The following FAM90A1 variants were observed in gnomAD, a reference collection of about 807,000 sequenced individuals.
FAM90A1 encodes protein FAM90A1.
In FAM90A1, 10 loss-of-function variants were observed where a neutral mutation model predicts 14.8. The observed-to-expected ratio is 0.67, with a 90% CI of 0.42 to 1.14. The LOEUF (loss-of-function observed/expected upper bound fraction) is 1.14, where lower values mean the gene tolerates loss of function less well. Ranked by LOEUF, FAM90A1 falls within the 50% of genes most tolerant of loss-of-function variation. The pLI, the probability that FAM90A1 is intolerant of heterozygous loss-of-function variation, is 0.00. For synonymous variants in FAM90A1, 236 were observed against 248.4 expected, an observed-to-expected ratio of 0.95 and a Z score of 0.47; for missense variants, 567 against 602.8, an observed-to-expected ratio of 0.94 and a Z score of 0.62.
intron 1 of FAM90A1, among the ~76,000 whole-genome samples, chr12:8,227,258 G>C (rs1452753291): frequency 6.6e-6 from 1 of 152,212 alleles, no homozygotes; most frequent in Non-Finnish European, 1.5e-5. Flanking sequence ...CCAGCTGCTG[G>C]TCCTGCTCTC....
At chr12:8,223,279 A>G (rs1022942220) in intron 6 of FAM90A1, among the ~76,000 whole-genome samples, 170 bp downstream of exon 6, 1 of 152,192 alleles carries the variant, frequency 6.6e-6, no homozygotes, top group African/African-American at 2.4e-5. Context: ...CGGCATCTTC[A>G]GATGCCTTCG....
Position 8,222,201 on chromosome 12 carries a change from T to A in FAM90A1, c.1016A>T (p.Glu339Val). 4 of 1,611,980 alleles carry A rather than the reference T, an allele frequency of 2.5e-6. No homozygotes were observed. The highest frequency in any genetic ancestry group is 2.2e-4 in the Middle Eastern group (1 of 4,620). Residue 339 changes from glutamate to valine, a missense_variant, in exon 7 of 7, where the codon GAA becomes GTA. By Grantham distance (121) the Glu-to-Val change is moderately radical (BLOSUM62 -2). Coordinates refer to ENST00000538603, the MANE Select transcript of FAM90A1 (RefSeq NM_018088.3). ...CTGGGGTGACGTACGTGGTCCAAGT[T>A]CGGTTGCGGCTGGCGGAGGTTGGAG... ...ENLQPPPAAT[E>V]LGPRTSPQTG...
chr12:8,223,302 T>C (rs1948872559), intron 6 of FAM90A1, 147 bp downstream of exon 6: 2 of 623,824 alleles, frequency 3.2e-6, no homozygotes, highest in African/African-American at 1.8e-5. Context: ...TGGAATCAAA[T>C]TGACCTGGAA....
rs761223760 is a variant in FAM90A1, at chr12:8,222,562, C to T, written c.655G>A (p.Gly219Ser). Residue 219 changes from glycine to serine, a missense_variant, in exon 7 of 7, where the codon GGC becomes AGC. Physicochemically the swap from Gly to Ser is moderately conservative, Grantham distance 56. Coordinates refer to ENST00000538603, the MANE Select transcript of FAM90A1 (RefSeq NM_018088.3). ...TTCACCACGAGGAGAGGCTCGGGGC[C>T]CTGGTGCCTGACTGCAGTCTGAGGG... ...DIPQTAVRHQ[G>S]PEPLLVVKPT... 2 of 1,612,012 alleles carry T rather than the reference C, an allele frequency of 1.2e-6. No homozygotes were observed. The highest frequency in any genetic ancestry group is 1.7e-6 in the Non-Finnish European group (2 of 1,179,878).
Position 8,224,190 on chromosome 12 carries a change from A to G in FAM90A1, c.149T>C (p.Phe50Ser), listed in dbSNP as rs1385294301. The G allele has an allele frequency of 1.1e-5, 17 of 1,611,884 alleles. No individual in the cohort carries two copies. The highest frequency in any genetic ancestry group is 1.2e-5 in the Non-Finnish European group (14 of 1,179,848). Residue 50 changes from phenylalanine to serine, a missense_variant, in exon 5 of 7, where the codon TTT becomes TCT. Coordinates refer to ENST00000538603, the MANE Select transcript of FAM90A1 (RefSeq NM_018088.3). ...CCTGGTACTTCTGGCCGTGTGGCCAAAGGCCTCACAGTTTTTGCACTTGAG... is the reference window on the plus strand; with the variant it reads ...CCTGGTACTTCTGGCCGTGTGGCCAGAGGCCTCACAGTTTTTGCACTTGAG... The part of the protein sequence containing the change: ...PRLKCKNCEA[F>S]GHTARSTRCP...
chr12:8,227,364 G>C (rs1347595364), intron 1 of FAM90A1, 116 bp downstream of exon 1: 6 of 317,362 alleles, frequency 1.9e-5, no homozygotes, highest in African/African-American at 1.3e-4. Context: ...TGGAACCTGC[G>C]CCATGTGATC....
chr12:8,225,319 T>C (rs1477450598), intron 3 of FAM90A1, among the ~76,000 whole-genome samples: 1 of 152,232 alleles, frequency 6.6e-6, no homozygotes, highest in Non-Finnish European at 1.5e-5. Context: ...ATGCCTCCTG[T>C]CACAACTTGA....
rs764299228 is a variant in FAM90A1 at position 8,222,180 on chromosome 12, G to A, written c.1037C>T (p.Pro346Leu). 1 of 1,563,720 alleles carries A rather than the reference G, an allele frequency of 6.4e-7. No homozygotes were observed. The highest frequency in any genetic ancestry group is 1.1e-5 in the South Asian group (1 of 90,004). The change falls in exon 7 of 7, where the codon CCC becomes CTC. Residue 346 changes from proline (P) to leucine (L), a missense_variant. Transcript: ENST00000538603. ...GGCGGGTGTCCTCGTGCCTGTCTGGGGTGACGTACGTGGTCCAAGTTCGGT... is the reference window on the plus strand; with the variant it reads ...GGCGGGTGTCCTCGTGCCTGTCTGGAGTGACGTACGTGGTCCAAGTTCGGT... ...AATELGPRTS[P>L]QTGTRTPAQV...
Position 8,222,641 on chromosome 12 carries a change from G to C in FAM90A1, c.576C>G (p.Ser192Arg). The change falls in exon 7 of 7, where the codon AGC (serine) becomes AGG (arginine). Residue 192 changes from serine (S) to arginine (R), a missense_variant. By Grantham distance (110) the Ser-to-Arg change is moderately radical (BLOSUM62 -1). Coordinates refer to ENST00000538603, the MANE Select transcript of FAM90A1 (RefSeq NM_018088.3). ...CCTTTGGTCCAAGACTTGAGGAGGA[G>C]CTCAGACTGGCTTTTCTGAGGGGAG... ...SLSPLRKASL[S>R]SSSSLGPKER... 1.2e-6 allele frequency: 2 copies of C among 1,611,636 alleles called. No individual in the cohort carries two copies. Among genetic ancestry groups the C allele is most frequent in the Non-Finnish European group, 1.7e-6 (2 of 1,179,850 alleles).
chr12:8,223,067 T>C (rs970273235), intron 6 of FAM90A1, among the ~76,000 whole-genome samples: 1 of 152,222 alleles, frequency 6.6e-6, no homozygotes, highest in Non-Finnish European at 1.5e-5. Flanking sequence ...CAGCCTTCCA[T>C]GAAGTGGAAC....
intron 1 of FAM90A1, among the ~76,000 whole-genome samples, chr12:8,226,994 G>T (rs1948959488): frequency 6.6e-6 from 1 of 151,756 alleles, no homozygotes; most frequent in East Asian, 1.9e-4. Context: ...GTAGAAACAG[G>T]GTTTCACCAT....
rs772070843 is a variant in FAM90A1 at position 8,224,868 on chromosome 12, A to G, written c.-36T>C. On this transcript the variant is annotated 5_prime_UTR_variant, in exon 4 of 7. The change abolishes the stop of an existing upstream ORF in the 5' untranslated region. Coordinates refer to ENST00000538603, the MANE Select transcript of FAM90A1 (RefSeq NM_018088.3). ...TGGGGGTTTTATGACCGCCTTTTTCAGGGGTTGATTGTCGGGTCACCTGAA... is the reference window on the plus strand; with the variant it reads ...TGGGGGTTTTATGACCGCCTTTTTCGGGGGTTGATTGTCGGGTCACCTGAA... 4.6e-5 allele frequency: 74 copies of G among 1,604,012 alleles called. No homozygotes were observed. Among genetic ancestry groups the G allele is most frequent in the Non-Finnish European group, 6.2e-5 (73 of 1,179,638 alleles).
At chr12:8,223,207 C>T (rs779075229) in intron 6 of FAM90A1, among the ~76,000 whole-genome samples, 8 of 152,288 alleles carry the variant, frequency 5.3e-5, no homozygotes, top group African/African-American at 1.9e-4. Flanking sequence ...TTCCTCATGC[C>T]GCTAGGAACG....
At position 8,224,068 on chromosome 12, in the gene FAM90A1, C is replaced by T; in HGVS notation, c.271G>A (p.Ala91Thr). ...TCCTTGTTCAAGGGCCCAGGGTTCG[C>T]TTCAACCTGGGGCTTCCATGGTTTC... is the stretch of plus-strand genomic sequence containing the variant. ...NLKPWKPQVE[A>T]NPGPLNKDKG... Residue 91 changes from alanine (A) to threonine (T), a missense_variant, in exon 5 of 7, where the codon GCG (alanine) becomes ACG (threonine). By Grantham distance (58) the Ala-to-Thr change is moderately conservative (BLOSUM62 0). Coordinates refer to ENST00000538603, the MANE Select transcript of FAM90A1 (RefSeq NM_018088.3). 6.2e-7 allele frequency: 1 copy of T among 1,612,080 alleles called. No individual in the cohort carries two copies. Among genetic ancestry groups the T allele is most frequent in the Non-Finnish European group, 8.5e-7 (1 of 1,179,872 alleles).
At chr12:8,226,869 G>C (rs1342843561) in intron 1 of FAM90A1, among the ~76,000 whole-genome samples, 1 of 125,126 alleles carries the variant, frequency 8.0e-6, no homozygotes, top group Middle Eastern at 5.6e-3. Flanking sequence ...GCAGTGGTGT[G>C]ATCTCAGCTC....
At position 8,224,255 on chromosome 12, in the gene FAM90A1, A is replaced by T. The variant is rs748956317; in HGVS notation, c.124-40T>A. 2.0e-6 allele frequency: 3 copies of T among 1,513,490 alleles called. No homozygotes were observed. In the African/African-American group the frequency reaches 4.2e-5, roughly 21 times the overall value. 93.8% of individuals were successfully genotyped at this position (1,513,490 alleles called of 1,614,324 possible). A position where few individuals can be genotyped will look rare whatever the true frequency, so the allele number is the denominator to read the frequency against. On this transcript the variant is annotated intron_variant, in intron 4 of 6. Coordinates refer to ENST00000538603, the MANE Select transcript of FAM90A1 (RefSeq NM_018088.3). Reference sequence around the variant, plus strand: ...GAAGTGATGTCAGTGAGTGAGCTGAAGCCACAGGCACCGATCCCACGTCAA... The same window carrying T: ...GAAGTGATGTCAGTGAGTGAGCTGATGCCACAGGCACCGATCCCACGTCAA...
In FAM90A1 at chr12:8,222,125, C is replaced by T. The variant is rs9669398; in HGVS notation, c.1092G>A (p.Pro364=). ...AQVLSGDRQP[P]HSRPCLPTAQ... Reference sequence around the variant, plus strand: ...CAGTAGGCAGGCAAGGTCTGCTGTGCGGAGGCTGCCGGTCGCCGCTAAGCA... The same window carrying T: ...CAGTAGGCAGGCAAGGTCTGCTGTGTGGAGGCTGCCGGTCGCCGCTAAGCA... Residue 364 remains proline, a synonymous_variant, in exon 7 of 7, where the codon CCG becomes CCA. Coordinates refer to ENST00000538603, the MANE Select transcript of FAM90A1 (RefSeq NM_018088.3). 8.1e-3 allele frequency: 13,069 copies of T among 1,611,622 alleles called. 690 individuals carry two copies. In the African/African-American group the frequency reaches 0.13, roughly 16 times the overall value.
At chr12:8,226,665 T>G (rs1948949550) in intron 1 of FAM90A1, among the ~76,000 whole-genome samples, 187 bp from the exon 2 acceptor site, 2 of 152,160 alleles carry the variant, frequency 1.3e-5, no homozygotes, top group Non-Finnish European at 2.9e-5. Flanking sequence ...TTATACTGCT[T>G]TACATGTGGG....
rs1452263898 is a variant in FAM90A1 at position 8,222,702 on chromosome 12, T to G, written c.515A>C (p.Glu172Ala). The change falls in exon 7 of 7, where the codon GAA becomes GCA. Residue 172 changes from glutamate to alanine, a missense_variant. Coordinates refer to ENST00000538603, the MANE Select transcript of FAM90A1 (RefSeq NM_018088.3). ...DPVLSDRSAT[E>A]MSDRGSVLAS... ...TAAGACGGAGCCCCTGTCAGACATT[T>G]CGGTAGCTGAGCGATCAGAGAGGAC... The G allele has an allele frequency of 1.2e-6, 2 of 1,608,236 alleles. No individual in the cohort carries two copies. Among genetic ancestry groups the G allele is most frequent in the East Asian group, 2.2e-5 (1 of 44,886 alleles).
Sources: gnomAD v4.1 joint callset for allele counts (sites outside exome capture counted in the v4.1 genomes callset) on GRCh38, gnomAD v4.1.1 for gene constraint, MANE v1.5 for transcripts, NCBI Gene and HGNC (gene_info 2026-07-23, HGNC 2026-07-21) for gene names.